PEX14: variants seen among roughly 807,000 people sequenced by gnomAD.
PEX14 encodes peroxisomal biogenesis factor 14, also known as peroxisomal membrane protein PEX14.
PEX14 carries 15 observed loss-of-function variants against 49.5 expected under a neutral mutation model. That is an observed-to-expected ratio of 0.30 (90% CI 0.20 to 0.47). The LOEUF is 0.47. PEX14 is among the 20% of genes least tolerant of loss of function. The probability of loss-of-function intolerance (pLI) is 1.00; values close to 1 mark genes in which losing one functional copy is unlikely to be tolerated. For missense variants in PEX14, 398 were observed against 494.8 expected, an observed-to-expected ratio of 0.80 and a Z score of 1.86; for synonymous variants, 210 against 212.7, an observed-to-expected ratio of 0.99 and a Z score of 0.11.
At chr1:10,571,226 A>T (rs1639968838) in intron 3 of PEX14, among the ~76,000 whole-genome samples, 1 of 151,918 alleles carries the variant, frequency 6.6e-6, no homozygotes, top group African/African-American at 2.4e-5. Context: ...TTCAGCTAAG[A>T]TGTGATTCCA....
chr1:10,577,551 TATATATATATA>T (rs1313241296), intron 3 of PEX14, among the ~76,000 whole-genome samples: 4,760 of 15,534 alleles, frequency 0.31, 436 homozygotes, highest in Non-Finnish European at 0.4. Flanking sequence ...TATATATATA[TATATATATATA>T]TTTTTTTTTT....
At chr1:10,605,356 C>T (rs1474419147) in intron 4 of PEX14, among the ~76,000 whole-genome samples, 1 of 152,190 alleles carries the variant, frequency 6.6e-6, no homozygotes, top group Non-Finnish European at 1.5e-5. Context: ...GAGGGAAGCC[C>T]TCCATTGCTT....
In PEX14 at chr1:10,629,608, G is replaced by T; in HGVS notation, c.755G>T (p.Ser252Ile). 1 of 1,614,026 alleles carries T rather than the reference G, an allele frequency of 6.2e-7. No individual in the cohort carries two copies. The highest frequency in any genetic ancestry group is 8.5e-7 in the Non-Finnish European group (1 of 1,180,002). ...QIPVKSPSPS[S>I]PAAVNHHSSS... is the part of the protein sequence containing the mutation. ...CCAGTCAAGTCACCGTCACCCTCCA[G>T]CCCTGCGGCCGTGAACCACCACAGC... is the stretch of plus-strand genomic sequence containing the variant. Residue 252 changes from serine to isoleucine, a missense_variant, in exon 9 of 9, where the codon AGC becomes ATC. Ser to Ile is a moderately radical substitution (Grantham distance 142). Transcript: ENST00000356607. The surrounding 1 kb of genome is among the most constrained non-coding windows in gnomAD (Gnocchi z 8.5).
intron 1 of PEX14, among the ~76,000 whole-genome samples, chr1:10,480,334 C>A (rs1321747536): frequency 2.0e-5 from 3 of 151,514 alleles, no homozygotes; most frequent in Non-Finnish European, 4.4e-5. Flanking sequence ...CTTCACCTGC[C>A]TCAGCCTCCT....
At chr1:10,553,349 G>A (rs1639389560) in intron 3 of PEX14, among the ~76,000 whole-genome samples, 2 of 152,114 alleles carry the variant, frequency 1.3e-5, no homozygotes, top group Non-Finnish European at 2.9e-5. Flanking sequence ...AGTGAGAGAC[G>A]CTGTGAAGAG....
At chr1:10,575,391 CTT>C (rs1640091933) in intron 3 of PEX14, among the ~76,000 whole-genome samples, 1 of 152,022 alleles carries the variant, frequency 6.6e-6, no homozygotes. Flanking sequence ...TAACAGTAAA[CTT>C]GTTATATATA....
At chr1:10,524,878 A>G (rs923880057) in intron 2 of PEX14, among the ~76,000 whole-genome samples, 2 of 152,178 alleles carry the variant, frequency 1.3e-5, no homozygotes, top group African/African-American at 2.4e-5. Flanking sequence ...TTTTGAAACA[A>G]TGGAGTCTCG....
At chr1:10,497,845 T>A (rs1427470101) in intron 2 of PEX14, among the ~76,000 whole-genome samples, 1 of 152,266 alleles carries the variant, frequency 6.6e-6, no homozygotes, top group African/African-American at 2.4e-5. Flanking sequence ...AAATACATAT[T>A]CTTTTTGTTT....
At chr1:10,605,805 A>T (rs1641109805) in intron 4 of PEX14, among the ~76,000 whole-genome samples, 1 of 152,218 alleles carries the variant, frequency 6.6e-6, no homozygotes, top group East Asian at 1.9e-4. Context: ...TTGTATATGA[A>T]GAAAGTATTT....
chr1:10,602,919 G>A (rs777214813), intron 4 of PEX14, among the ~76,000 whole-genome samples: 2 of 152,096 alleles, frequency 1.3e-5, no homozygotes, highest in Non-Finnish European at 2.9e-5. Flanking sequence ...GCTTTTTACG[G>A]ACATTCCATC....
At chr1:10,602,507 A>C (rs1039387337) in intron 4 of PEX14, among the ~76,000 whole-genome samples, 5 of 152,170 alleles carry the variant, frequency 3.3e-5, no homozygotes, top group African/African-American at 1.2e-4. Context: ...TGACATTTGA[A>C]TTACTTGTAG....
chr1:10,498,345 CAGA>C, intron 2 of PEX14, among the ~76,000 whole-genome samples: 1 of 152,262 alleles, frequency 6.6e-6, no homozygotes, highest in East Asian at 1.9e-4. Flanking sequence ...TAAATTACGA[CAGA>C]AGAAGTTCTA....
At chr1:10,562,418 T>C (rs1356968150) in intron 3 of PEX14, among the ~76,000 whole-genome samples, 2 of 152,242 alleles carry the variant, frequency 1.3e-5, no homozygotes, top group Admixed American at 6.5e-5. Context: ...GTTGCATGAT[T>C]GTCCTATCTC....
At chr1:10,571,755 G>T (rs945914235) in intron 3 of PEX14, among the ~76,000 whole-genome samples, 4 of 152,114 alleles carry the variant, frequency 2.6e-5, no homozygotes, top group Non-Finnish European at 5.9e-5. Context: ...GTTGCAGGGA[G>T]CCGTGATTGT....
At chr1:10,503,516 T>A (rs1314313004) in intron 2 of PEX14, among the ~76,000 whole-genome samples, 1 of 151,838 alleles carries the variant, frequency 6.6e-6, no homozygotes, top group Non-Finnish European at 1.5e-5. Flanking sequence ...GAAATAAAAT[T>A]TCCTCTGTTA....
At chr1:10,598,305 T>G (rs1640884936) in intron 3 of PEX14, among the ~76,000 whole-genome samples, 1 of 152,204 alleles carries the variant, frequency 6.6e-6, no homozygotes. Context: ...CCTTTCATAC[T>G]TGAGCGCCAC....
chr1:10,623,348 C>T lies in PEX14; in HGVS notation c.487+227C>T, dbSNP rs1327578755. ...TTAATTATGTTTTTACGGAAAGGCT[C>T]CCAACCTCAGAATATTAATAAGGGG... On this transcript the variant is annotated intron_variant, in intron 6 of 8. Transcript: ENST00000356607. The surrounding 1 kb of genome is among the most constrained non-coding windows in gnomAD (Gnocchi z 4.4). 9.9e-6 allele frequency: 5 copies of T among 504,842 alleles called. No individual in the cohort carries two copies. The highest frequency in any genetic ancestry group is 7.3e-6 in the Non-Finnish European group (2 of 275,006). 31.3% of individuals were successfully genotyped at this position (504,842 alleles called of 1,614,324 possible). A position where few individuals can be genotyped will look rare whatever the true frequency, so the allele number is the denominator to read the frequency against.
chr1:10,608,436 C>T (rs888685198), intron 4 of PEX14, among the ~76,000 whole-genome samples: 15 of 152,056 alleles, frequency 9.9e-5, no homozygotes, highest in African/African-American at 2.9e-4. Context: ...CCAAGGTGGG[C>T]GGATTGCCTG....
intron 1 of PEX14, among the ~76,000 whole-genome samples, chr1:10,486,047 C>T (rs981695178): frequency 3.3e-5 from 5 of 152,084 alleles, no homozygotes; most frequent in African/African-American, 7.2e-5. Flanking sequence ...TGTGAGCCAC[C>T]GTGCCCGGCC....
Sources: allele counts gnomAD v4.1 joint callset (sites outside exome capture counted in the v4.1 genomes callset), GRCh38; gene constraint gnomAD v4.1.1; non-coding constraint Gnocchi (gnomAD v3.1); transcripts MANE v1.5; gene names NCBI Gene and HGNC (gene_info 2026-07-23, HGNC 2026-07-21).